The following ASXL2 variants were observed in gnomAD, a reference collection of about 807,000 sequenced individuals.
ASXL2 encodes ASXL transcriptional regulator 2.
ASXL2 carries 23 observed loss-of-function variants against 122.0 expected under a neutral mutation model. That is an observed-to-expected ratio of 0.19 (90% CI 0.14 to 0.27). The LOEUF (loss-of-function observed/expected upper bound fraction) is 0.27. Ranked by LOEUF, ASXL2 falls within the 10% of genes least tolerant of loss-of-function variation. The pLI, the probability that ASXL2 is intolerant of heterozygous loss-of-function variation, is 1.00. For missense variants in ASXL2, 1,518 were observed against 1,713.8 expected, an observed-to-expected ratio of 0.89 and a Z score of 2.02; for synonymous variants, 650 against 637.0, an observed-to-expected ratio of 1.02 and a Z score of -0.31.
At chr2:25,856,647 CCAGAGTGGTGGCT>C (rs1333447329) in intron 1 of ASXL2, 17 of 1,258,964 alleles carry the variant, frequency 1.4e-5, no homozygotes, top group Non-Finnish European at 2.0e-5. Flanking sequence ...CTCAGTCTCC[CCAGAGTGGTGGCT>C]CACCATCAAC....
chr2:25,820,031 C>T (rs2089290038), intron 3 of ASXL2, among the ~76,000 whole-genome samples: 1 of 152,118 alleles, frequency 6.6e-6, no homozygotes. Flanking sequence ...CCTGCCTCCA[C>T]CTCTAGAGTA....
At chr2:25,787,311 TCC>T (rs948308661) in intron 5 of ASXL2, among the ~76,000 whole-genome samples, 6 of 152,174 alleles carry the variant, frequency 3.9e-5, no homozygotes, top group Non-Finnish European at 8.8e-5. Context: ...AAGCAGTGAA[TCC>T]CTCAAACTAA....
chr2:25,860,639 T>C (rs1288435443), intron 1 of ASXL2, among the ~76,000 whole-genome samples: 3 of 150,168 alleles, frequency 2.0e-5, no homozygotes, highest in African/African-American at 7.4e-5. Context: ...TGAACCCGGA[T>C]GGCAGAGGTT....
intron 6 of ASXL2, among the ~76,000 whole-genome samples, chr2:25,769,576 C>T (rs2088410988): frequency 6.6e-6 from 1 of 150,766 alleles, no homozygotes; most frequent in South Asian, 2.1e-4. Context: ...CTTGATAATG[C>T]TATTTAAAAT....
At chr2:25,841,686 A>G (rs1277052880) in intron 2 of ASXL2, among the ~76,000 whole-genome samples, 1 of 152,100 alleles carries the variant, frequency 6.6e-6, no homozygotes, top group East Asian at 1.9e-4. Flanking sequence ...GTCTCTACTA[A>G]AAATACAAAA....
In ASXL2 at chr2:25,763,069, G is replaced by T. The variant is rs528988895; in HGVS notation, c.776-3424C>A. 3.3e-5 allele frequency among the ~76,000 whole-genome samples: 5 copies of T among 152,256 alleles called. No individual in the cohort carries two copies. The East Asian group carries it at 9.6e-4, about 29-fold the overall frequency. Reference sequence around the variant, plus strand: ...AATATAAAGAAACTTCAAAACATGTGAAATAAAAACTGAAAGAACAGGGAG... The same window carrying T: ...AATATAAAGAAACTTCAAAACATGTTAAATAAAAACTGAAAGAACAGGGAG... On this transcript the variant is annotated intron_variant, in intron 8 of 12. Coordinates refer to ENST00000435504, the MANE Select transcript of ASXL2 (RefSeq NM_018263.6).
At chr2:25,811,055 T>TACACACACACACACACACACAC (rs34006530) in intron 3 of ASXL2, among the ~76,000 whole-genome samples, 3 of 116,358 alleles carry the variant, frequency 2.6e-5, no homozygotes, top group African/African-American at 1.0e-4. Flanking sequence ...AATACAAAAA[T>TACACACACACACACACACACAC]ACACACACAC....
chr2:25,869,677 C>T (rs1260009525), intron 1 of ASXL2, among the ~76,000 whole-genome samples: 2 of 151,870 alleles, frequency 1.3e-5, no homozygotes, highest in African/African-American at 2.4e-5. Context: ...ATTAGCAAGG[C>T]ATGGTGGCGT....
At position 25,750,897 on chromosome 2, in the gene ASXL2, CT is replaced by C. The variant is rs140850476; in HGVS notation, c.1143-485del. On this transcript the variant is annotated intron_variant, in intron 11 of 12. Coordinates refer to ENST00000435504, the MANE Select transcript of ASXL2 (RefSeq NM_018263.6). ...TGTGGTCAACTCTTCTCTGCAATAT[CT>C]GTGCAAACCCAGGCCCAAAAAATCT... Among the ~76,000 whole-genome samples the C allele has an allele frequency of 2.4e-3, 365 of 152,274 alleles. 2 individuals are homozygous for C. Among genetic ancestry groups the C allele is most frequent in the African/African-American group, 8.4e-3 (348 of 41,538 alleles).
intron 2 of ASXL2, among the ~76,000 whole-genome samples, chr2:25,841,947 A>G (rs1461454964): frequency 1.5e-5 from 2 of 136,746 alleles, no homozygotes; most frequent in African/African-American, 5.3e-5. Context: ...ACTCTGTCTC[A>G]AAAAAAAAAA....
At chr2:25,853,839 T>C (rs2089746295) in intron 1 of ASXL2, among the ~76,000 whole-genome samples, 1 of 151,744 alleles carries the variant, frequency 6.6e-6, no homozygotes, top group South Asian at 2.1e-4. Context: ...GTGCCTATTA[T>C]ATGACAGATC....
At chr2:25,789,058 G>C (rs1321036553) in intron 5 of ASXL2, among the ~76,000 whole-genome samples, 24 of 152,002 alleles carry the variant, frequency 1.6e-4, no homozygotes, top group Non-Finnish European at 3.4e-4. Context: ...GAAGCAGCTT[G>C]TCAGTTTCCA....
chr2:25,744,611 C>CTCTCGGCCATA lies in ASXL2; in HGVS notation c.1861-136_1861-135insTATGGCCGAGA. 2.9e-6 allele frequency: 3 copies of CTCTCGGCCATA among 1,024,404 alleles called. No homozygotes were observed. Among genetic ancestry groups the CTCTCGGCCATA allele is most frequent in the Non-Finnish European group, 4.1e-6 (3 of 730,024 alleles). 63.5% of individuals were successfully genotyped at this position (1,024,404 alleles called of 1,614,324 possible). A position where few individuals can be genotyped will look rare whatever the true frequency, so the allele number is the denominator to read the frequency against. On this transcript the variant is annotated intron_variant, in intron 12 of 12. Transcript: ENST00000435504. The surrounding 1 kb of genome is among the most constrained non-coding windows in gnomAD (Gnocchi z 4.7). ...GTGACAAACATGGGTGGTCTATGGC[C>CTCTCGGCCATA]GAGAGGCCAAACCTTGGAGACAGCA...
At chr2:25,775,301 T>C (rs928210373) in intron 5 of ASXL2, among the ~76,000 whole-genome samples, 5 of 152,128 alleles carry the variant, frequency 3.3e-5, no homozygotes, top group African/African-American at 1.2e-4. Context: ...CTAATTTTTG[T>C]ATTTTTAGTA....
At position 25,749,716 on chromosome 2, in the gene ASXL2, G is replaced by C. The variant is rs369170532; in HGVS notation, c.1840C>G (p.Arg614Gly). The change falls in exon 12 of 13, where the codon CGA (arginine) becomes GGA (glycine). Residue 614 changes from arginine (R) to glycine (G), a missense_variant. Physicochemically the swap from Arg to Gly is moderately radical, Grantham distance 125 (BLOSUM62 -2). Around this residue, in one of 8 missense-constraint regions of ASXL2, gnomAD observed 292 missense variants for 293.5 expected, o/e 1.00. Transcript: ENST00000435504. Reference sequence around the variant, plus strand: ...CTTACCTTGAGAGGTGGTACTTTTCGCACCTGGATTCTGTCCCCTCTATTG... The same window carrying C: ...CTTACCTTGAGAGGTGGTACTTTTCCCACCTGGATTCTGTCCCCTCTATTG... ...FLNRGDRIQV[R>G]KVPPLKIPVS... 1.9e-5 allele frequency: 29 copies of C among 1,522,198 alleles called. No individual in the cohort carries two copies. In the South Asian group the frequency reaches 3.7e-4, roughly 19 times the overall value. 94.3% of individuals were successfully genotyped at this position (1,522,198 alleles called of 1,614,324 possible).
intron 3 of ASXL2, chr2:25,822,943 G>T: frequency 3.8e-6 from 2 of 527,812 alleles, no homozygotes; most frequent in South Asian, 2.9e-5. Context: ...ATGCCAGATC[G>T]GGAGTAAGGA....
chr2:25,802,100 C>G (rs1049095903), intron 4 of ASXL2, among the ~76,000 whole-genome samples: 4 of 152,172 alleles, frequency 2.6e-5, no homozygotes, highest in African/African-American at 9.7e-5. Flanking sequence ...CAACTGTGCC[C>G]TTGCTTAAGC....
Position 25,743,897 on chromosome 2 carries a change from T to C in ASXL2, c.2440A>G (p.Thr814Ala), listed in dbSNP as rs373680093. Residue 814 changes from threonine to alanine, a missense_variant, in exon 13 of 13, where the codon ACA (threonine) becomes GCA (alanine). By Grantham distance (58) the Thr-to-Ala change is moderately conservative. This residue lies in a region of ASXL2 where 831 missense variants were observed against 833.1 expected (regional missense o/e 1.00). Coordinates refer to ENST00000435504, the MANE Select transcript of ASXL2 (RefSeq NM_018263.6). The stretch of plus-strand genomic sequence containing the variant: ...TGTGGATGGCTGACAGAGGCCACTG[T>C]GGCTGTTGCTCTGGTGGGGTTCAGT... ...EKLNPTRATA[T>A]VASVSHPQGP... 17 of 1,614,034 alleles carry C rather than the reference T, an allele frequency of 1.1e-5. No homozygotes were observed. The highest frequency in any genetic ancestry group is 1.4e-5 in the Non-Finnish European group (17 of 1,179,890).
chr2:25,771,663 T>A, intron 5 of ASXL2, 123 bp from the exon 6 acceptor site: 1 of 772,210 alleles, frequency 1.3e-6, no homozygotes, highest in Non-Finnish European at 2.0e-6. Context: ...GGGAACGATG[T>A]ACTTTTTGGA....
Sources: gnomAD v4.1 joint callset for allele counts (sites outside exome capture counted in the v4.1 genomes callset) on GRCh38, gnomAD v4.1.1 for gene constraint, gnomAD v4.1.1 regional missense constraint, Gnocchi (gnomAD v3.1) non-coding constraint, MANE v1.5 for transcripts, NCBI Gene and HGNC (gene_info 2026-07-23, HGNC 2026-07-21) for gene names.